Variants in FRAS1 observed in about 807,000 individuals in gnomAD.
FRAS1 encodes the protein Fraser extracellular matrix complex subunit 1, also known as extracellular matrix organizing protein FRAS1.
Under a neutral mutation model 435.2 loss-of-function variants are expected in FRAS1, and 290 were observed. The ratio of observed to expected loss-of-function variants is 0.67; its 90% CI spans 0.61 to 0.73. FRAS1 has a LOEUF of 0.73. Among genes scored for constraint, FRAS1 ranks in the 30% least tolerant of loss-of-function variants. The pLI, the probability that FRAS1 is intolerant of heterozygous loss-of-function variation, is 0.00. For missense variants in FRAS1, 4,860 were observed against 5,001.5 expected (o/e 0.97, Z 0.85); for synonymous variants, 1,800 against 1,851.0 (o/e 0.97, Z 0.71).
At chr4:78,195,113 G>A (rs1298512652) in intron 2 of FRAS1, among the ~76,000 whole-genome samples, 3 of 152,218 alleles carry the variant, frequency 2.0e-5, no homozygotes, top group Non-Finnish European at 4.4e-5. Context: ...AAATGTTGCT[G>A]CCTGATCGTT....
chr4:78,486,816 C>G (rs572366992), intron 58 of FRAS1, among the ~76,000 whole-genome samples: 1 of 136,920 alleles, frequency 7.3e-6, no homozygotes, highest in Admixed American at 8.0e-5. Flanking sequence ...TGCCTTTTCT[C>G]TTTCTCTCTC....
chr4:78,452,584 A>G (rs1367584228), intron 47 of FRAS1, among the ~76,000 whole-genome samples: 3 of 152,252 alleles, frequency 2.0e-5, no homozygotes, highest in Non-Finnish European at 4.4e-5. Context: ...AATTTTCTAT[A>G]TGCAATCTTG....
intron 2 of FRAS1, among the ~76,000 whole-genome samples, chr4:78,131,684 G>A (rs927751911): frequency 1.3e-5 from 2 of 152,192 alleles, no homozygotes; most frequent in African/African-American, 4.8e-5. Context: ...TGATTTTACA[G>A]GGCTGTAATC....
chr4:78,158,535 T>G (rs1276872126), intron 2 of FRAS1, among the ~76,000 whole-genome samples: 1 of 152,116 alleles, frequency 6.6e-6, no homozygotes, highest in African/African-American at 2.4e-5. Context: ...AATAAAGTAC[T>G]GATATATGCT....
At chr4:78,395,965 A>T (rs150065166) in intron 29 of FRAS1, among the ~76,000 whole-genome samples, 2,785 of 150,350 alleles carry the variant, frequency 0.019, 35 homozygotes, top group Middle Eastern at 0.031. Flanking sequence ...TGATTTGATG[A>T]TTTTTTTTTG....
intron 59 of FRAS1, among the ~76,000 whole-genome samples, chr4:78,489,968 C>CAAAA (rs61568957): frequency 0.069 from 6,385 of 92,362 alleles, 482 homozygotes; most frequent in Admixed American, 0.12. Flanking sequence ...TAGTGGAAAA[C>CAAAA]AAAAAAAAAA....
At chr4:78,418,131 C>T (rs1282051074) in intron 32 of FRAS1, among the ~76,000 whole-genome samples, 1 of 152,164 alleles carries the variant, frequency 6.6e-6, no homozygotes, top group Admixed American at 6.5e-5. Context: ...TTCGCATCAG[C>T]CGTCTGATTA....
chr4:78,476,354 GGA>G (rs1193710410), intron 54 of FRAS1, among the ~76,000 whole-genome samples: 1 of 152,128 alleles, frequency 6.6e-6, no homozygotes, highest in Non-Finnish European at 1.5e-5. Context: ...GAAAGAAAAA[GGA>G]GAGAGTGAAA....
At chr4:78,529,825 T>C (rs1203102306) in intron 70 of FRAS1, among the ~76,000 whole-genome samples, 1 of 152,212 alleles carries the variant, frequency 6.6e-6, no homozygotes, top group Non-Finnish European at 1.5e-5. Context: ...ATCATGCTAG[T>C]AAAAATGGTA....
chr4:78,339,775 G>A (rs371716), intron 20 of FRAS1, among the ~76,000 whole-genome samples: 26,904 of 152,170 alleles, frequency 0.18, 3,264 homozygotes, highest in African/African-American at 0.35. Context: ...AGGCCAAAAA[G>A]TTTTGACTAG....
intron 60 of FRAS1, among the ~76,000 whole-genome samples, chr4:78,498,578 A>T (rs535967377): frequency 1.4e-4 from 22 of 152,104 alleles, no homozygotes; most frequent in African/African-American, 4.8e-4. Context: ...CATTCTTATT[A>T]AAAACTATAA....
chr4:78,435,208 T>C (rs1045458713), intron 38 of FRAS1, among the ~76,000 whole-genome samples: 2 of 152,078 alleles, frequency 1.3e-5, no homozygotes, highest in Non-Finnish European at 1.5e-5. Context: ...TGAGCCTTGA[T>C]TGGACCACTA....
intron 20 of FRAS1, among the ~76,000 whole-genome samples, chr4:78,361,563 T>C (rs565789644): frequency 1.3e-5 from 2 of 152,214 alleles, no homozygotes; most frequent in Non-Finnish European, 2.9e-5. Flanking sequence ...AGGGTTCTCA[T>C]GTGGATGAGT....
At chr4:78,343,793 C>T (rs763437381) in intron 20 of FRAS1, among the ~76,000 whole-genome samples, 6 of 152,136 alleles carry the variant, frequency 3.9e-5, no homozygotes, top group Non-Finnish European at 5.9e-5. Flanking sequence ...GAGCCTGGTA[C>T]GAGCCAGGGC....
intron 6 of FRAS1, among the ~76,000 whole-genome samples, chr4:78,258,522 G>C (rs1183245439): frequency 6.6e-6 from 1 of 151,088 alleles, no homozygotes; most frequent in Non-Finnish European, 1.5e-5. Context: ...CTGAATTTTG[G>C]AATTTAGTGC....
In FRAS1 at chr4:78,103,054, C is replaced by T. The variant is rs58598917; in HGVS notation, c.108+37038C>T. ...TAAACTGCTTTCTCTGCCTTTCCCA[C>T]TATGACACAGAAAGACAAGTAAGAG... On this transcript the variant is annotated intron_variant, in intron 2 of 73. Transcript: ENST00000512123. 3.3e-5 allele frequency among the ~76,000 whole-genome samples: 5 copies of T among 152,152 alleles called. No homozygotes were observed. The East Asian group carries it at 9.6e-4, about 29-fold the overall frequency.
chr4:78,401,859 A>G (rs887268951), intron 30 of FRAS1, among the ~76,000 whole-genome samples: 2 of 115,450 alleles, frequency 1.7e-5, no homozygotes, highest in South Asian at 2.6e-4. Context: ...TCTCAGACCA[A>G]TGATATGTCT....
At chr4:78,168,188 T>C (rs1407801001) in intron 2 of FRAS1, among the ~76,000 whole-genome samples, 1 of 152,058 alleles carries the variant, frequency 6.6e-6, no homozygotes, top group African/African-American at 2.4e-5. Flanking sequence ...GGCTTCTTGC[T>C]GAGCAAATAT....
intron 2 of FRAS1, among the ~76,000 whole-genome samples, chr4:78,162,362 A>T (rs1721179348): frequency 1.3e-5 from 2 of 152,188 alleles, no homozygotes. Flanking sequence ...TCCCAAAAAA[A>T]TTTGGTTTTA....
Sources: allele counts gnomAD v4.1 joint callset (sites outside exome capture counted in the v4.1 genomes callset), GRCh38; gene constraint gnomAD v4.1.1; transcripts MANE v1.5; gene names NCBI Gene and HGNC (gene_info 2026-07-23, HGNC 2026-07-21).